RALYL: variants seen among roughly 807,000 people sequenced by gnomAD.
RALYL encodes the protein RALY RNA binding protein like, also known as RNA-binding Raly-like protein.
In RALYL, 29 loss-of-function variants were observed where a neutral mutation model predicts 35.1. That is an observed-to-expected ratio of 0.83 (90% CI 0.61 to 1.13). The LOEUF is 1.13. Among genes scored for constraint, RALYL ranks in the 50% most tolerant of loss-of-function variants. The pLI, the probability that RALYL is intolerant of heterozygous loss-of-function variation, is 0.00. For missense variants in RALYL, 359 were observed against 360.4 expected, an observed-to-expected ratio of 1.00 and a Z score of 0.03; for synonymous variants, 120 against 127.6, an observed-to-expected ratio of 0.94 and a Z score of 0.40.
chr8:84,487,978 G>A (rs2054834489), intron 1 of RALYL, among the ~76,000 whole-genome samples: 1 of 152,066 alleles, frequency 6.6e-6, no homozygotes, highest in Middle Eastern at 3.4e-3. Flanking sequence ...TTATATCCAT[G>A]GTGTGAGATT....
At chr8:84,189,955 G>T (rs1364972704) in intron 1 of RALYL, among the ~76,000 whole-genome samples, 1 of 152,194 alleles carries the variant, frequency 6.6e-6, no homozygotes, top group Non-Finnish European at 1.5e-5. Flanking sequence ...GTTTTCTGAA[G>T]AGAGCCAATG....
At chr8:84,783,606 G>C (rs931817912) in intron 3 of RALYL, among the ~76,000 whole-genome samples, 1 of 152,094 alleles carries the variant, frequency 6.6e-6, no homozygotes, top group Non-Finnish European at 1.5e-5. Context: ...ATGAAAGGAG[G>C]TAGTTCTGCA....
At chr8:84,361,146 A>T (rs918566238) in intron 1 of RALYL, among the ~76,000 whole-genome samples, 4 of 152,170 alleles carry the variant, frequency 2.6e-5, no homozygotes, top group Admixed American at 2.6e-4. Flanking sequence ...TTAAGGGAAA[A>T]TGAATTTAGT....
At chr8:84,200,039 G>A (rs1311107354) in intron 1 of RALYL, among the ~76,000 whole-genome samples, 1 of 152,008 alleles carries the variant, frequency 6.6e-6, no homozygotes, top group Non-Finnish European at 1.5e-5. Flanking sequence ...GTAATTTTGG[G>A]TGCTTCTTAT....
At chr8:84,192,906 TGG>T (rs771310412) in intron 1 of RALYL, among the ~76,000 whole-genome samples, 4 of 59,466 alleles carry the variant, frequency 6.7e-5, no homozygotes, top group Admixed American at 2.0e-4. Flanking sequence ...TGTGTGTGTG[TGG>T]GGGGGGGGGT....
At chr8:84,259,308 TCCC>T (rs1350987569) in intron 1 of RALYL, among the ~76,000 whole-genome samples, 1 of 152,144 alleles carries the variant, frequency 6.6e-6, no homozygotes, top group Non-Finnish European at 1.5e-5. Context: ...ACCTCTAAAT[TCCC>T]CTCCAACTTC....
intron 1 of RALYL, among the ~76,000 whole-genome samples, chr8:84,470,211 A>C (rs1279728289): frequency 6.6e-6 from 1 of 152,188 alleles, no homozygotes. Flanking sequence ...ACTTGATTAA[A>C]GATGTACACA....
At chr8:84,499,650 T>A (rs1372271848) in intron 1 of RALYL, among the ~76,000 whole-genome samples, 3 of 152,004 alleles carry the variant, frequency 2.0e-5, no homozygotes, top group Non-Finnish European at 2.9e-5. Context: ...CAAAAAGGTC[T>A]AACCTTGGAC....
chr8:84,466,467 C>G (rs1373560744), intron 1 of RALYL, among the ~76,000 whole-genome samples: 6 of 150,892 alleles, frequency 4.0e-5, no homozygotes, highest in African/African-American at 1.5e-4. Context: ...GTATATTGAA[C>G]CAGCCTTGCA....
At chr8:84,419,939 C>A (rs1400942165) in intron 1 of RALYL, among the ~76,000 whole-genome samples, 1 of 151,232 alleles carries the variant, frequency 6.6e-6, no homozygotes, top group East Asian at 1.9e-4. Context: ...TTAATCCAGT[C>A]TATCATTGTT....
chr8:84,667,013 T>C (rs1832208149), intron 2 of RALYL, among the ~76,000 whole-genome samples: 1 of 152,088 alleles, frequency 6.6e-6, no homozygotes, highest in Non-Finnish European at 1.5e-5. Context: ...ATTGTGAGGG[T>C]AAATTTAAGT....
At chr8:84,451,881 C>T (rs1235414971) in intron 1 of RALYL, among the ~76,000 whole-genome samples, 2 of 151,860 alleles carry the variant, frequency 1.3e-5, no homozygotes, top group African/African-American at 4.8e-5. Context: ...CTCTATAACT[C>T]AATTACAAAA....
At chr8:84,849,908 A>C in intron 4 of RALYL, 72 bp from the exon 5 acceptor site, 1 of 792,770 alleles carries the variant, frequency 1.3e-6, no homozygotes, top group South Asian at 2.0e-5. Context: ...TTATGCTATA[A>C]CATCATAAGT....
At chr8:84,451,044 C>T (rs945882257) in intron 1 of RALYL, among the ~76,000 whole-genome samples, 4 of 151,912 alleles carry the variant, frequency 2.6e-5, no homozygotes, top group Non-Finnish European at 1.5e-5. Context: ...CAAAAGCTAT[C>T]AGATTAAGTA....
chr8:84,707,274 C>G (rs1382529896), intron 2 of RALYL, among the ~76,000 whole-genome samples: 1 of 152,112 alleles, frequency 6.6e-6, no homozygotes, highest in Non-Finnish European at 1.5e-5. Flanking sequence ...ATAACTGCTA[C>G]TTTTTTCAGG....
chr8:84,299,336 C>G (rs1840340345), intron 1 of RALYL, among the ~76,000 whole-genome samples: 1 of 151,880 alleles, frequency 6.6e-6, no homozygotes, highest in South Asian at 2.1e-4. Flanking sequence ...TCGTGGTGGA[C>G]TAGCTTTTTG....
intron 2 of RALYL, among the ~76,000 whole-genome samples, chr8:84,630,271 G>A (rs1392337502): frequency 6.6e-6 from 1 of 151,890 alleles, no homozygotes; most frequent in Non-Finnish European, 1.5e-5. Flanking sequence ...ATACAGCTTG[G>A]CTACCTAGTG....
chr8:84,482,911 A>C (rs1003576840), intron 1 of RALYL, among the ~76,000 whole-genome samples: 1 of 152,114 alleles, frequency 6.6e-6, no homozygotes, highest in African/African-American at 2.4e-5. Flanking sequence ...TATAGCCATG[A>C]AGTGAAAATG....
chr8:84,820,250 G>GA (rs1828232020), intron 4 of RALYL, among the ~76,000 whole-genome samples: 1 of 152,148 alleles, frequency 6.6e-6, no homozygotes, highest in South Asian at 2.1e-4. Context: ...AGTCTTATGA[G>GA]AAACCCTTTA....
Sources: allele counts gnomAD v4.1 joint callset (sites outside exome capture counted in the v4.1 genomes callset), GRCh38; gene constraint gnomAD v4.1.1; transcripts MANE v1.5; gene names NCBI Gene and HGNC (gene_info 2026-07-23, HGNC 2026-07-21).